Variants in KCNIP4 observed in about 807,000 individuals in gnomAD.
KCNIP4 encodes the protein Kv channel-interacting protein 4.
In KCNIP4, 12 loss-of-function variants were observed where a neutral mutation model predicts 34.0. The ratio of observed to expected loss-of-function variants is 0.35; its 90% CI spans 0.23 to 0.57. The LOEUF (loss-of-function observed/expected upper bound fraction) is 0.57. Ranked by LOEUF, KCNIP4 falls within the 20% of genes least tolerant of loss-of-function variation. KCNIP4 has a pLI of 0.83. For synonymous variants in KCNIP4, 124 were observed against 102.2 expected (o/e 1.21, Z -1.29); for missense variants, 238 against 311.7 (o/e 0.76, Z 1.78).
intron 1 of KCNIP4, among the ~76,000 whole-genome samples, chr4:21,052,134 T>A (rs1337860251): frequency 6.6e-6 from 1 of 152,180 alleles, no homozygotes; most frequent in Non-Finnish European, 1.5e-5. Flanking sequence ...TACCAAATTA[T>A]CATCATATTC....
At chr4:20,760,609 A>G (rs1212112430) in intron 3 of KCNIP4, among the ~76,000 whole-genome samples, 4 of 152,156 alleles carry the variant, frequency 2.6e-5, no homozygotes, top group Non-Finnish European at 5.9e-5. Flanking sequence ...GTTTTATCCC[A>G]TTTGTTAATG....
chr4:21,074,192 G>C (rs1745250812), intron 1 of KCNIP4, among the ~76,000 whole-genome samples: 1 of 152,138 alleles, frequency 6.6e-6, no homozygotes, highest in Admixed American at 6.6e-5. Flanking sequence ...CTTTTGACTG[G>C]AATAGTTTCA....
chr4:21,673,200 T>C (rs1283666193), intron 1 of KCNIP4, among the ~76,000 whole-genome samples: 5 of 152,178 alleles, frequency 3.3e-5, no homozygotes, highest in Admixed American at 3.3e-4. Context: ...TATAAAGTGC[T>C]TTTCACAAAT....
intron 1 of KCNIP4, among the ~76,000 whole-genome samples, chr4:20,968,948 A>G (rs1734657073): frequency 6.6e-6 from 1 of 152,134 alleles, no homozygotes; most frequent in South Asian, 2.1e-4. Flanking sequence ...ATAAAAGTAA[A>G]TAGAGATATT....
At chr4:21,148,687 G>GAA (rs200721752) in intron 1 of KCNIP4, among the ~76,000 whole-genome samples, 4 of 135,542 alleles carry the variant, frequency 3.0e-5, no homozygotes, top group East Asian at 4.2e-4. Flanking sequence ...TACTACAGAA[G>GAA]AAAAAAAAAA....
At chr4:21,291,599 C>T (rs1281921054) in intron 1 of KCNIP4, among the ~76,000 whole-genome samples, 1 of 151,776 alleles carries the variant, frequency 6.6e-6, no homozygotes, top group Admixed American at 6.6e-5. Flanking sequence ...CCTGTAATCC[C>T]AGCACTTTGG....
At chr4:21,354,676 T>C (rs1718381710) in intron 1 of KCNIP4, among the ~76,000 whole-genome samples, 1 of 152,178 alleles carries the variant, frequency 6.6e-6, no homozygotes, top group African/African-American at 2.4e-5. Flanking sequence ...CAAAGAGACT[T>C]AGATTCCCCC....
At chr4:21,551,475 C>T (rs1033253528) in intron 1 of KCNIP4, among the ~76,000 whole-genome samples, 10 of 152,114 alleles carry the variant, frequency 6.6e-5, no homozygotes, top group Admixed American at 3.3e-4. Flanking sequence ...TTTGAAGTTG[C>T]TACAGTTCAT....
chr4:21,592,012 G>T (rs73800237), intron 1 of KCNIP4, among the ~76,000 whole-genome samples: 1,614 of 152,156 alleles, frequency 0.011, 28 homozygotes, highest in African/African-American at 0.037. Context: ...AGTGAATTCA[G>T]ACTTACTGAG....
At chr4:20,862,384 T>C (rs1722297211) in intron 2 of KCNIP4, among the ~76,000 whole-genome samples, 1 of 151,846 alleles carries the variant, frequency 6.6e-6, no homozygotes. Flanking sequence ...AGACAGAAAA[T>C]CTACAATAGG....
intron 1 of KCNIP4, among the ~76,000 whole-genome samples, chr4:21,279,059 C>T (rs954897089): frequency 1.3e-5 from 2 of 152,148 alleles, no homozygotes; most frequent in South Asian, 2.1e-4. Context: ...CAGGTAATAC[C>T]TGAAATGGAA....
intron 1 of KCNIP4, chr4:21,656,498 T>C (rs1411896553): frequency 6.6e-6 from 1 of 152,234 alleles, no homozygotes; most frequent in Non-Finnish European, 1.5e-5. Context: ...ATAACTTTAT[T>C]TGACACCGAG....
At chr4:21,021,083 T>C (rs1739992279) in intron 1 of KCNIP4, among the ~76,000 whole-genome samples, 1 of 152,236 alleles carries the variant, frequency 6.6e-6, no homozygotes, top group East Asian at 1.9e-4. Context: ...CGATGTGATA[T>C]GGCTTATTGC....
intron 1 of KCNIP4, among the ~76,000 whole-genome samples, chr4:21,183,836 C>A (rs1577848124): frequency 6.6e-6 from 1 of 152,034 alleles, no homozygotes; most frequent in Non-Finnish European, 1.5e-5. Flanking sequence ...AATATGGATT[C>A]TCTCTTATGT....
intron 1 of KCNIP4, among the ~76,000 whole-genome samples, chr4:21,089,140 C>A (rs1435913143): frequency 2.0e-5 from 3 of 152,134 alleles, no homozygotes; most frequent in African/African-American, 4.8e-5. Context: ...TGTGTCCCTG[C>A]CCAAATCTTG....
intron 1 of KCNIP4, among the ~76,000 whole-genome samples, chr4:21,812,142 G>T (rs1371640532): frequency 1.3e-5 from 2 of 152,126 alleles, no homozygotes; most frequent in African/African-American, 4.8e-5. Context: ...AACGCATCTA[G>T]TTCTACAAAA....
In KCNIP4 at chr4:21,271,396, T is replaced by C. The variant is rs141558431; in HGVS notation, c.62-388687A>G. 9.2e-5 allele frequency among the ~76,000 whole-genome samples: 14 copies of C among 152,326 alleles called. No homozygotes were observed. In the East Asian group the frequency reaches 2.1e-3, roughly 23 times the overall value. The stretch of plus-strand genomic sequence containing the variant: ...CAAAGTAAAGACTGTTGGTGGTCAG[T>C]AAAAAGGACTTTCTTATGCTGTGAA... On this transcript the variant is annotated intron_variant, in intron 1 of 8. Coordinates refer to ENST00000382152, the MANE Select transcript of KCNIP4 (RefSeq NM_025221.6).
chr4:21,527,175 T>C (rs1736038596), intron 1 of KCNIP4, among the ~76,000 whole-genome samples: 1 of 152,184 alleles, frequency 6.6e-6, no homozygotes, highest in African/African-American at 2.4e-5. Context: ...AGTGAACATA[T>C]ACTGTCCAAG....
intron 1 of KCNIP4, among the ~76,000 whole-genome samples, chr4:21,648,096 A>T (rs1227872695): frequency 6.6e-6 from 1 of 151,526 alleles, no homozygotes; most frequent in Non-Finnish European, 1.5e-5. Flanking sequence ...GATGGTCTCG[A>T]TCTCCTGACC....
Sources: allele counts gnomAD v4.1 joint callset (sites outside exome capture counted in the v4.1 genomes callset), GRCh38; gene constraint gnomAD v4.1.1; transcripts MANE v1.5; gene names NCBI Gene and HGNC (gene_info 2026-07-23, HGNC 2026-07-21).